ABHD2: variants seen among roughly 807,000 people sequenced by gnomAD.
The protein encoded by ABHD2 is abhydrolase domain containing 2, acylglycerol lipase.
ABHD2 carries 20 observed loss-of-function variants against 48.1 expected under a neutral mutation model. The ratio of observed to expected loss-of-function variants is 0.42; its 90% confidence interval spans 0.29 to 0.60. The LOEUF is 0.60. Ranked by LOEUF, ABHD2 falls within the 20% of genes least tolerant of loss-of-function variation. ABHD2 has a pLI of 0.24. For synonymous variants in ABHD2, 209 were observed against 214.2 expected (o/e 0.98, Z 0.21); for missense variants, 405 against 550.9 (o/e 0.74, Z 2.65).
intron 3 of ABHD2, among the ~76,000 whole-genome samples, chr15:89,142,381 A>G (rs541509877): frequency 5.0e-4 from 76 of 152,350 alleles, no homozygotes; most frequent in African/African-American, 1.7e-3. Flanking sequence ...TTAGTACCTC[A>G]AACATCCTTG....
chr15:89,045,770 T>C, the ABHD2 span, among the ~76,000 whole-genome samples: 38 of 152,392 alleles, frequency 2.5e-4, no homozygotes, highest in South Asian at 7.0e-3. Context: ...TTGCTGAAGT[T>C]GCTTATCAGC....
intron 3 of ABHD2, among the ~76,000 whole-genome samples, chr15:89,127,232 G>T (rs1446323320): frequency 6.6e-6 from 1 of 152,166 alleles, no homozygotes; most frequent in Non-Finnish European, 1.5e-5. Context: ...CCTGCTGTCA[G>T]TTTCTAATCA....
At chr15:89,140,813 G>A (rs1043737265) in intron 3 of ABHD2, among the ~76,000 whole-genome samples, 2 of 152,086 alleles carry the variant, frequency 1.3e-5, no homozygotes, top group African/African-American at 4.8e-5. Flanking sequence ...TCACAACATG[G>A]CCTTAACCTC....
At chr15:89,134,060 G>T (rs547727839) in intron 3 of ABHD2, among the ~76,000 whole-genome samples, 1 of 151,932 alleles carries the variant, frequency 6.6e-6, no homozygotes, top group Admixed American at 6.6e-5. Context: ...GGATGGCCTC[G>T]ATCTCCTGAC....
chr15:89,154,156 T>C (rs1361886053), intron 4 of ABHD2, among the ~76,000 whole-genome samples: 2 of 152,208 alleles, frequency 1.3e-5, no homozygotes, highest in Non-Finnish European at 2.9e-5. Context: ...ATACGGTCAT[T>C]GTGATCTACA....
chr15:89,101,137 A>G (rs1355443313), intron 1 of ABHD2, among the ~76,000 whole-genome samples: 1 of 152,104 alleles, frequency 6.6e-6, no homozygotes, highest in Non-Finnish European at 1.5e-5. Flanking sequence ...TTCTTCTGCT[A>G]CCTCCAACAT....
intron 7 of ABHD2, among the ~76,000 whole-genome samples, chr15:89,187,972 A>G (rs371398769): frequency 9.2e-5 from 14 of 152,326 alleles, no homozygotes; most frequent in African/African-American, 2.2e-4. Context: ...ACTAGGTTCA[A>G]ACCCAATCTT....
At chr15:89,052,000 C>T in the ABHD2 span, among the ~76,000 whole-genome samples, 1 of 152,184 alleles carries the variant, frequency 6.6e-6, no homozygotes, top group South Asian at 2.1e-4. Flanking sequence ...CACTAACTTC[C>T]AGAGTGAAAG....
the ABHD2 span, among the ~76,000 whole-genome samples, chr15:89,049,057 GT>G: frequency 6.6e-6 from 1 of 152,084 alleles, no homozygotes; most frequent in Non-Finnish European, 1.5e-5. Flanking sequence ...GTACAGATGG[GT>G]TTTTGGTGTG....
rs1158713710 is a variant in ABHD2 at position 89,197,753 on chromosome 15, G to A, written c.*2330G>A. ...GGTGGCCCCTGTGGAGGACAGGCAG[G>A]GCTGGCAGCATAGCCTTTGTTGCCA... is the stretch of plus-strand genomic sequence containing the variant. On this transcript the variant is annotated 3_prime_UTR_variant, in exon 11 of 11. Transcript: ENST00000352732. This position sits in a 1 kb window ranked among gnomAD's most constrained non-coding sequence, Gnocchi z 4.4. 1.3e-5 allele frequency: 2 copies of A among 152,242 alleles called. No homozygotes were observed. The highest frequency in any genetic ancestry group is 6.5e-5 in the Admixed American group (1 of 15,288). 9.4% of individuals were successfully genotyped at this position (152,242 alleles called of 1,614,324 possible).
At chr15:89,055,053 C>G in the ABHD2 span, among the ~76,000 whole-genome samples, 1 of 152,102 alleles carries the variant, frequency 6.6e-6, no homozygotes, top group Admixed American at 6.6e-5. Flanking sequence ...TAGCAAGACC[C>G]CATCTCTATG....
chr15:89,123,294 C>T (rs1026058724), intron 3 of ABHD2, among the ~76,000 whole-genome samples: 1 of 152,142 alleles, frequency 6.6e-6, no homozygotes, highest in Admixed American at 6.5e-5. Context: ...GTGGTTTTCC[C>T]TTTTTCTCTT....
rs1555429068 is a variant in ABHD2 at position 89,135,143 on chromosome 15, C to CTTTTCTTTTTT, written c.195-16530_195-16529insCTTTTTTTTTT. Among the ~76,000 whole-genome samples the CTTTTCTTTTTT allele has an allele frequency of 2.6e-4, 29 of 112,164 alleles. 2 individuals are homozygous for CTTTTCTTTTTT. Among genetic ancestry groups the CTTTTCTTTTTT allele is most frequent in the African/African-American group, 6.1e-4 (19 of 31,188 alleles). The allele number at this position is 112,164 out of a possible 152,430, so 73.6% of individuals were successfully genotyped here. A position where few individuals can be genotyped will look rare whatever the true frequency, so the allele number is the denominator to read the frequency against. ...GTCAACAAAATGGCTACAACTTTTT[C>CTTTTCTTTTTT]TTTTTTTTTTTTTTTTTTGCAATTA... is the stretch of plus-strand genomic sequence containing the variant. On this transcript the variant is annotated intron_variant, in intron 3 of 10. Transcript: ENST00000352732.
At chr15:89,050,078 T>C in the ABHD2 span, among the ~76,000 whole-genome samples, 13 of 152,136 alleles carry the variant, frequency 8.5e-5, no homozygotes, top group Admixed American at 3.3e-4. Flanking sequence ...AAGAATTTCA[T>C]AGAGAAGACA....
intron 5 of ABHD2, among the ~76,000 whole-genome samples, chr15:89,165,907 C>T (rs16942778): frequency 0.068 from 10,367 of 152,188 alleles, 536 homozygotes; most frequent in East Asian, 0.27. Context: ...TCTCTTTGGC[C>T]GAGTGCCTTA....
chr15:89,147,633 G>A (rs1421158923), intron 3 of ABHD2, among the ~76,000 whole-genome samples: 5 of 151,652 alleles, frequency 3.3e-5, no homozygotes, highest in Admixed American at 3.3e-4. Flanking sequence ...GATTACAGGC[G>A]TGAGCCACTG....
intron 3 of ABHD2, among the ~76,000 whole-genome samples, chr15:89,128,467 T>G (rs1044218124): frequency 2.0e-5 from 3 of 152,180 alleles, no homozygotes; most frequent in Non-Finnish European, 2.9e-5. Context: ...TTGACACATA[T>G]CCACGTTGTC....
chr15:89,191,809 A>C lies in ABHD2; in HGVS notation c.996+660A>C, dbSNP rs111508790. ...ACGCCTGGCTAATTTTTGTATTTTT[A>C]GTAGAGATGGGGTTTCACCATGTTG... On this transcript the variant is annotated intron_variant, in intron 9 of 10. Transcript: ENST00000352732. 6.8e-3 allele frequency among the ~76,000 whole-genome samples: 1,027 copies of C among 151,966 alleles called. 13 individuals carry two copies. Among genetic ancestry groups the C allele is most frequent in the African/African-American group, 0.024 (983 of 41,444 alleles).
intron 1 of ABHD2, among the ~76,000 whole-genome samples, chr15:89,105,182 G>A (rs758700153): frequency 6.6e-6 from 1 of 152,220 alleles, no homozygotes; most frequent in Non-Finnish European, 1.5e-5. Context: ...TTTCAGCAGG[G>A]TTATTTGCTA....
Sources: allele counts gnomAD v4.1 joint callset (sites outside exome capture counted in the v4.1 genomes callset), GRCh38; gene constraint gnomAD v4.1.1; non-coding constraint Gnocchi (gnomAD v3.1); transcripts MANE v1.5; gene names NCBI Gene and HGNC (gene_info 2026-07-23, HGNC 2026-07-21).